The following MAD2L2 variants were observed in gnomAD, a reference collection of about 807,000 sequenced individuals.
The protein encoded by MAD2L2 is mitotic arrest deficient 2 like 2.
In MAD2L2, 17 loss-of-function variants were observed where a neutral mutation model predicts 30.5. The ratio of observed to expected loss-of-function variants is 0.56; its 90% CI spans 0.38 to 0.84. The LOEUF (loss-of-function observed/expected upper bound fraction) is 0.84. Among genes scored for constraint, MAD2L2 ranks in the 40% least tolerant of loss-of-function variants. The probability of loss-of-function intolerance (pLI) is 0.00; values close to 1 mark genes in which losing one functional copy is unlikely to be tolerated. For missense variants in MAD2L2, 213 were observed against 277.4 expected (o/e 0.77, Z 1.65); for synonymous variants, 101 against 113.9 (o/e 0.89, Z 0.72).
At chr1:11,689,379 C>T (rs1389797874) in intron 1 of MAD2L2, among the ~76,000 whole-genome samples, 2 of 151,508 alleles carry the variant, frequency 1.3e-5, no homozygotes, top group Admixed American at 6.6e-5. Context: ...AGGTGGATCA[C>T]CTGAGGTCAG....
rs765280907 is a variant in MAD2L2, at chr1:11,676,988, C to T, written c.232-40G>A. The T allele has an allele frequency of 2.7e-6, 4 of 1,469,156 alleles. No individual in the cohort carries two copies. The African/African-American group carries it at 4.2e-5, about 15-fold the overall frequency. The allele number at this position is 1,469,156 out of a possible 1,614,324, so 91.0% of individuals were successfully genotyped here. A position where few individuals can be genotyped will look rare whatever the true frequency, so the allele number is the denominator to read the frequency against. ...ACCCCCACTGCAGAGCCAGGCACCC[C>T]ACCCCGACTACACCACCCTGCCTCC... is the stretch of plus-strand genomic sequence containing the variant. On this transcript the variant is annotated intron_variant, in intron 4 of 8. Coordinates refer to ENST00000376692, the MANE Select transcript of MAD2L2 (RefSeq NM_006341.4).
In MAD2L2 at chr1:11,678,766, G is replaced by A. The variant is rs1382155574; in HGVS notation, c.160-1152C>T. ...GATAAACCAATCAAATATCGCCAGC[G>A]GAAAATGCAGTTAATACACATAACA... On this transcript the variant is annotated intron_variant, in intron 3 of 8. Transcript: ENST00000376692. Among the ~76,000 whole-genome samples, 9 of 152,194 alleles carry A rather than the reference G, an allele frequency of 5.9e-5. No individual in the cohort carries two copies. In the East Asian group the frequency reaches 1.2e-3, roughly 19 times the overall value.
In MAD2L2 at chr1:11,688,368, T is replaced by A. The variant is rs1002723681; in HGVS notation, c.-692+3045A>T. ...TGAGGTCAGGATATCGAGACCATCCTGGCTAACATGGGGAAACTCTGTCTC... is the reference window on the plus strand; with the variant it reads ...TGAGGTCAGGATATCGAGACCATCCAGGCTAACATGGGGAAACTCTGTCTC... On this transcript the variant is annotated intron_variant, in intron 1 of 10. Coordinates refer to the MAD2L2 transcript ENST00000235310. The surrounding 1 kb of genome is among the most constrained non-coding windows in gnomAD (Gnocchi z 4.6). 6.6e-6 allele frequency among the ~76,000 whole-genome samples: 1 copy of A among 152,174 alleles called. No homozygotes were observed. The highest frequency in any genetic ancestry group is 2.4e-5 in the African/African-American group (1 of 41,448).
In MAD2L2 at chr1:11,680,442, C is replaced by G. The variant is rs1296763654; in HGVS notation, c.70G>C (p.Glu24Gln). Residue 24 changes from glutamate (E) to glutamine (Q), a missense_variant, in exon 3 of 9, where the codon GAG (glutamate) becomes CAG (glutamine). Transcript: ENST00000376692. ...TAGAGGATGAGATGCACAGCCACCTCCAGGAACTCGCAGAGCACATCGGCC... is the reference window on the plus strand; with the variant it reads ...TAGAGGATGAGATGCACAGCCACCTGCAGGAACTCGCAGAGCACATCGGCC... ...VVADVLCEFL[E>Q]VAVHLILYVR... 7 of 1,613,926 alleles carry G rather than the reference C, an allele frequency of 4.3e-6. No homozygotes were observed. Among genetic ancestry groups the G allele is most frequent in the Non-Finnish European group, 5.9e-6 (7 of 1,179,914 alleles).
At chr1:11,677,030 AAGG>A (rs1640782278) in intron 4 of MAD2L2, 82 bp from the exon 5 acceptor site, 3 of 1,084,520 alleles carry the variant, frequency 2.8e-6, no homozygotes, top group Non-Finnish European at 2.8e-6. Context: ...TTGCCCAAGG[AAGG>A]AGGAGAAACG....
chr1:11,683,266 G>A (rs969365553), upstream of MAD2L2, among the ~76,000 whole-genome samples: 5 of 152,092 alleles, frequency 3.3e-5, no homozygotes, highest in African/African-American at 1.2e-4. Context: ...CGAGCCACCC[G>A]TAGAACTCCT....
chr1:11,677,014 AC>A, intron 4 of MAD2L2, 66 bp from the exon 5 acceptor site: 1 of 1,209,154 alleles, frequency 8.3e-7, no homozygotes, highest in South Asian at 1.2e-5. Context: ...CCCTGCCTCC[AC>A]CCCCTTGCCC....
chr1:11,687,214 C>T lies in MAD2L2; in HGVS notation c.-692+4199G>A, dbSNP rs1475669896. 6.6e-6 allele frequency among the ~76,000 whole-genome samples: 1 copy of T among 152,088 alleles called. No homozygotes were observed. Among genetic ancestry groups the T allele is most frequent in the Non-Finnish European group, 1.5e-5 (1 of 68,006 alleles). ...CCCAATAGCTGGGGCTACAGGTGTG[C>T]ACCATCACACCCAGCTAATTTTTAT... On this transcript the variant is annotated intron_variant, in intron 1 of 10. Coordinates refer to the MAD2L2 transcript ENST00000235310. The surrounding 1 kb of genome is among the most constrained non-coding windows in gnomAD (Gnocchi z 4.1).
At chr1:11,686,820 A>C (rs542409238) in intron 1 of MAD2L2, among the ~76,000 whole-genome samples, 4,439 of 151,636 alleles carry the variant, frequency 0.029, 225 homozygotes, top group African/African-American at 0.1. Flanking sequence ...AAAAAAAAAA[A>C]AAAAAAAAAA....
chr1:11,675,998 G>A, intron 6 of MAD2L2, 48 bp downstream of exon 6: 23 of 1,511,928 alleles, frequency 1.5e-5, no homozygotes, highest in Non-Finnish European at 2.0e-5. Flanking sequence ...ACCAACCCGA[G>A]ATAACCATGG....
In MAD2L2 at chr1:11,688,434, G is replaced by T. The variant is rs992780362; in HGVS notation, c.-692+2979C>A. ...AAATTAGCCAGGCATGGTGGCAGGT[G>T]CCTGTAGTCACAGCTACTCAGGAAG... On this transcript the variant is annotated intron_variant, in intron 1 of 10. Transcript: ENST00000235310. The surrounding 1 kb of genome is among the most constrained non-coding windows in gnomAD (Gnocchi z 4.6). 2.0e-5 allele frequency among the ~76,000 whole-genome samples: 3 copies of T among 152,128 alleles called. No individual in the cohort carries two copies. Among genetic ancestry groups the T allele is most frequent in the Non-Finnish European group, 4.4e-5 (3 of 68,028 alleles).
intron 1 of MAD2L2, among the ~76,000 whole-genome samples, chr1:11,689,333 C>T (rs955062425): frequency 1.3e-4 from 19 of 146,956 alleles, no homozygotes; most frequent in Non-Finnish European, 2.1e-4. Context: ...TGCTGTAGCT[C>T]GAGCCTGTAA....
At chr1:11,686,937 A>C (rs79903633) in intron 1 of MAD2L2, among the ~76,000 whole-genome samples, 3,094 of 152,182 alleles carry the variant, frequency 0.02, 102 homozygotes, top group African/African-American at 0.069. Flanking sequence ...CTACTCTCTA[A>C]TTCGGAACAT....
chr1:11,683,123 G>T (rs1640904223), upstream of MAD2L2, among the ~76,000 whole-genome samples: 1 of 152,196 alleles, frequency 6.6e-6, no homozygotes, highest in Non-Finnish European at 1.5e-5. Context: ...GGGGCCTGGG[G>T]TGGGGAAACT....
At chr1:11,675,550 C>T in intron 7 of MAD2L2, 108 bp downstream of exon 7, 1 of 1,099,090 alleles carries the variant, frequency 9.1e-7, no homozygotes, top group Non-Finnish European at 1.4e-6. Flanking sequence ...CAGGCGCTGC[C>T]ACACCAATGT....
chr1:11,674,719 G>C lies in MAD2L2; in HGVS notation c.*56C>G. ...GGGCAGCCATGCAGCACTGCCCTAG[G>C]CGGGGATCCCCCAAAGTCTGACAGT... On this transcript the variant is annotated 3_prime_UTR_variant, in exon 9 of 9. Transcript: ENST00000376692. The surrounding 1 kb of genome is among the most constrained non-coding windows in gnomAD (Gnocchi z 6.1). 6.3e-7 allele frequency: 1 copy of C among 1,582,926 alleles called. No individual in the cohort carries two copies.
Position 11,680,370 on chromosome 1 carries a change from A to G in MAD2L2, c.142T>C (p.Tyr48His). 1 of 1,613,802 alleles carries G rather than the reference A, an allele frequency of 6.2e-7. No individual in the cohort carries two copies. Residue 48 changes from tyrosine (Y) to histidine (H), a missense_variant, in exon 3 of 9, where the codon TAC becomes CAC. By Grantham distance (83) the Tyr-to-His change is moderately conservative (BLOSUM62 2). Transcript: ENST00000376692. ...PVGIFQKRKK[Y>H]NVPVQMSCHP... ...TGCCTCACCTGGACCGGCACGTTGT[A>G]CTTCTTGCGTTTCTGGAAGATGCCC... is the stretch of plus-strand genomic sequence containing the variant.
chr1:11,680,419 G>A lies in MAD2L2; in HGVS notation c.93C>T (p.Leu31=). 1 of 1,613,978 alleles carries A rather than the reference G, an allele frequency of 6.2e-7. No individual in the cohort carries two copies. ...CCACGGGGTAGACCTCGCGCACGTA[G>A]AGGATGAGATGCACAGCCACCTCCA... ...EFLEVAVHLI[L]YVREVYPVGI... Residue 31 remains leucine (L), a synonymous_variant, in exon 3 of 9, where the codon CTC becomes CTT. Coordinates refer to ENST00000376692, the MANE Select transcript of MAD2L2 (RefSeq NM_006341.4).
chr1:11,685,887 C>T (rs1223056954), upstream of MAD2L2, among the ~76,000 whole-genome samples: 1 of 151,986 alleles, frequency 6.6e-6, no homozygotes, highest in Admixed American at 6.6e-5. Flanking sequence ...AGGAAATCAA[C>T]GCTGCAGTGA....
Sources: allele counts gnomAD v4.1 joint callset (sites outside exome capture counted in the v4.1 genomes callset), GRCh38; gene constraint gnomAD v4.1.1; non-coding constraint Gnocchi (gnomAD v3.1); transcripts MANE v1.5; gene names NCBI Gene and HGNC (gene_info 2026-07-23, HGNC 2026-07-21).